YIF1B: variants seen among roughly 807,000 people sequenced by gnomAD.
The protein encoded by YIF1B is Yip1 interacting factor homolog B, membrane trafficking protein.
YIF1B carries 24 observed loss-of-function variants against 34.6 expected under a neutral mutation model. The ratio of observed to expected loss-of-function variants is 0.69; its 90% CI spans 0.50 to 0.98. The LOEUF (loss-of-function observed/expected upper bound fraction) is 0.98, where lower values mean the gene tolerates loss of function less well. Among genes scored for constraint, YIF1B ranks in the 50% least tolerant of loss-of-function variants. The probability of loss-of-function intolerance (pLI) is 0.00; values close to 1 mark genes in which losing one functional copy is unlikely to be tolerated. For synonymous variants in YIF1B, 186 were observed against 184.8 expected, an observed-to-expected ratio of 1.01 and a Z score of -0.05; for missense variants, 368 against 429.4, an observed-to-expected ratio of 0.86 and a Z score of 1.26.
chr19:38,307,527 G>A lies in YIF1B; in HGVS notation c.696-6C>T. 2 of 1,613,926 alleles carry A rather than the reference G, an allele frequency of 1.2e-6. No homozygotes were observed. The highest frequency in any genetic ancestry group is 1.1e-5 in the South Asian group (1 of 91,088). On this transcript the variant is annotated splice_region_variant and splice_polypyrimidine_tract_variant and intron_variant, in intron 6 of 7. Coordinates refer to ENST00000339413, the MANE Select transcript of YIF1B (RefSeq NM_001039672.3). ...TGAGGACCCCGCCAATCATCCTGGG[G>A]GAGGGAGAGGAGGCTGTGTGAGGAC...
chr19:38,307,736 G>A lies in YIF1B; in HGVS notation c.556C>T (p.Leu186=). 2 of 1,612,804 alleles carry A rather than the reference G, an allele frequency of 1.2e-6. No homozygotes were observed. Among genetic ancestry groups the A allele is most frequent in the Non-Finnish European group, 1.7e-6 (2 of 1,179,866 alleles). The change falls in exon 6 of 8, where the codon CTG becomes TTG. Residue 186 remains leucine (L), a synonymous_variant. Transcript: ENST00000339413. ...GTQDRFSPDL[L]GLQASSALAW... ...AGGGCTGAGCTCGCTTGCAGCCCCA[G>A]GAGGTCTGGGGAGAACCTGCAGGCA...
intron 7 of YIF1B, chr19:38,306,549 A>G (rs4312417): frequency 0.31 from 51,046 of 162,756 alleles, 8,729 homozygotes; most frequent in East Asian, 0.63. Context: ...AAGTTTATCC[A>G]AGGCTCTGCC....
intron 1 of YIF1B, among the ~76,000 whole-genome samples, chr19:38,313,764 C>T (rs926845787): frequency 9.8e-5 from 15 of 152,330 alleles, no homozygotes; most frequent in African/African-American, 3.4e-4. Flanking sequence ...AAGCTCCTTG[C>T]CCCCACTGGC....
Position 38,307,586 on chromosome 19 carries a change from G to A in YIF1B, c.695+11C>T, listed in dbSNP as rs147311387. ...AGGGCTGGGGCTGGCGTGAAGGGCGGGGGTACTCACCCGACATATTTGTAG... is the reference window on the plus strand; with the variant it reads ...AGGGCTGGGGCTGGCGTGAAGGGCGAGGGTACTCACCCGACATATTTGTAG... On this transcript the variant is annotated intron_variant, in intron 6 of 7. Coordinates refer to ENST00000339413, the MANE Select transcript of YIF1B (RefSeq NM_001039672.3). 40,568 of 1,613,690 alleles carry A rather than the reference G, an allele frequency of 0.025. 641 individuals are homozygous for A. Among genetic ancestry groups the A allele is most frequent in the Middle Eastern group, 0.071 (429 of 6,062 alleles).
Position 38,304,567 on chromosome 19 carries a change from C to A in YIF1B, c.*785G>T. Reference sequence around the variant, plus strand: ...CTGACCCCAGGGTCCTGCCTTAGGCCTCCAACTTCAGGGGGCTGGGTAAGG... The same window carrying A: ...CTGACCCCAGGGTCCTGCCTTAGGCATCCAACTTCAGGGGGCTGGGTAAGG... On this transcript the variant is annotated 3_prime_UTR_variant, in exon 8 of 8. Transcript: ENST00000339413. 6.2e-7 allele frequency: 1 copy of A among 1,607,896 alleles called. No homozygotes were observed. The highest frequency in any genetic ancestry group is 8.5e-7 in the Non-Finnish European group (1 of 1,177,566).
upstream of YIF1B, among the ~76,000 whole-genome samples, chr19:38,321,505 C>T (rs1431521730): frequency 2.6e-5 from 4 of 152,230 alleles, no homozygotes; most frequent in African/African-American, 7.2e-5. Flanking sequence ...GGAGGGACCC[C>T]GAGTTTTGGG....
chr19:38,306,094 CA>C (rs1380371420), intron 7 of YIF1B, among the ~76,000 whole-genome samples: 1 of 149,696 alleles, frequency 6.7e-6, no homozygotes, highest in Non-Finnish European at 1.5e-5. Flanking sequence ...CCCTGCTACT[CA>C]GGAGGCTGAG....
At position 38,305,303 on chromosome 19, in the gene YIF1B, C is replaced by T; in HGVS notation, c.*49G>A. 1 of 1,578,482 alleles carries T rather than the reference C, an allele frequency of 6.3e-7. No individual in the cohort carries two copies. The highest frequency in any genetic ancestry group is 8.6e-7 in the Non-Finnish European group (1 of 1,160,470). ...AGGCAGGAGATGAGTTCGGCGGCCA[C>T]AGTGGCCCCCAGCAGCAGCAGCAGC... is the stretch of plus-strand genomic sequence containing the variant. On this transcript the variant is annotated 3_prime_UTR_variant, in exon 8 of 8. Coordinates refer to ENST00000339413, the MANE Select transcript of YIF1B (RefSeq NM_001039672.3).
At chr19:38,319,993 G>A, upstream of YIF1B, 1 of 1,476,844 alleles carries the variant, frequency 6.8e-7, no homozygotes, top group Non-Finnish European at 8.9e-7. Flanking sequence ...GGCCGCGTAC[G>A]CCGCGTACCT....
At chr19:38,306,961 A>G (rs748102331) in intron 7 of YIF1B, 14 of 471,530 alleles carry the variant, frequency 3.0e-5, no homozygotes, top group Middle Eastern at 3.3e-4. Context: ...GATTACAAGC[A>G]TGAGCCACCG....
chr19:38,306,637 A>AGATAC (rs1476153432), intron 7 of YIF1B: 1 of 246,134 alleles, frequency 4.1e-6, no homozygotes, highest in East Asian at 1.5e-4. Flanking sequence ...TTGAGGTGCA[A>AGATAC]GTATCATCAT....
chr19:38,305,229 G>A lies in YIF1B; in HGVS notation c.*123C>T, dbSNP rs1968951612. On this transcript the variant is annotated 3_prime_UTR_variant, in exon 8 of 8. Transcript: ENST00000339413. ...TTGGGGGCGGGGCTGGGCGGGACAT[G>A]GGATGGAGGCGGTGCCTGTGGCCAG... is the stretch of plus-strand genomic sequence containing the variant. 13 of 1,449,452 alleles carry A rather than the reference G, an allele frequency of 9.0e-6. No homozygotes were observed. In the Admixed American group the frequency reaches 1.2e-4, roughly 14 times the overall value. The allele number at this position is 1,449,452 out of a possible 1,614,324, so 89.8% of individuals were successfully genotyped here. A position where few individuals can be genotyped will look rare whatever the true frequency, so the allele number is the denominator to read the frequency against.
At chr19:38,320,043 G>A, upstream of YIF1B, 2 of 1,501,428 alleles carry the variant, frequency 1.3e-6, no homozygotes, top group Non-Finnish European at 1.8e-6. Context: ...TGGAGGGGCC[G>A]CACGAAGCCA....
chr19:38,320,125 C>A, upstream of YIF1B: 1 of 1,586,350 alleles, frequency 6.3e-7, no homozygotes, highest in Non-Finnish European at 8.5e-7. Flanking sequence ...TGCCCCCGCC[C>A]TGGACGCCTT....
At chr19:38,320,342 C>T (rs1372641612), upstream of YIF1B, 7 of 1,536,326 alleles carry the variant, frequency 4.6e-6, no homozygotes, top group African/African-American at 1.4e-5. Flanking sequence ...CCCTGGGGAC[C>T]CCGGGGCCCT....
At chr19:38,321,051 T>C (rs1293297018), upstream of YIF1B, among the ~76,000 whole-genome samples, 1 of 152,088 alleles carries the variant, frequency 6.6e-6, no homozygotes, top group Non-Finnish European at 1.5e-5. Context: ...CCTGCCACCC[T>C]TGCCATGTCT....
At position 38,315,900 on chromosome 19, in the gene YIF1B, C is replaced by G. The variant is rs922286317; in HGVS notation, c.18G>C (p.Leu6Phe). Reference sequence around the variant, plus strand: ...GGGGCGTCCCCGCAGCCGCCGCCGCCAAGCCTGCCGGGTGCATCCTTCGCC... The same window carrying G: ...GGGGCGTCCCCGCAGCCGCCGCCGCGAAGCCTGCCGGGTGCATCCTTCGCC... MHPAG[L>F]AAAAAGTPRL... Residue 6 changes from leucine (L) to phenylalanine (F), a missense_variant, in exon 1 of 8, where the codon TTG (leucine) becomes TTC (phenylalanine). Leu to Phe is a conservative substitution (Grantham distance 22). Around this residue, in one of 3 missense-constraint regions of YIF1B, gnomAD observed 153 missense variants for 156.7 expected, o/e 0.98. Transcript: ENST00000339413. 3.4e-6 allele frequency: 5 copies of G among 1,483,300 alleles called. No homozygotes were observed. In the African/African-American group the frequency reaches 4.4e-5, roughly 13 times the overall value. The allele number at this position is 1,483,300 out of a possible 1,614,324, so 91.9% of individuals were successfully genotyped here.
rs1968945632 is a variant in YIF1B, at chr19:38,305,136, G to A, written c.*216C>T. The A allele has an allele frequency of 1.4e-6, 2 of 1,422,866 alleles. No homozygotes were observed. Among genetic ancestry groups the A allele is most frequent in the Non-Finnish European group, 1.9e-6 (2 of 1,070,826 alleles). The allele number at this position is 1,422,866 out of a possible 1,614,324, so 88.1% of individuals were successfully genotyped here. The stretch of plus-strand genomic sequence containing the variant: ...CACGCCATGCCCATCAGGGTTTATT[G>A]TTTCTGTAACAGCGGCCACGCCCTG... On this transcript the variant is annotated 3_prime_UTR_variant, in exon 8 of 8. Transcript: ENST00000339413.
chr19:38,304,672 G>A lies in YIF1B; in HGVS notation c.*680C>T, dbSNP rs1276586239. Reference sequence around the variant, plus strand: ...CTCCAGCAGCAGCTCCAGCGATTCGGACACGGATGTGAAGGTAAGGGGCTC... The same window carrying A: ...CTCCAGCAGCAGCTCCAGCGATTCGAACACGGATGTGAAGGTAAGGGGCTC... On this transcript the variant is annotated 3_prime_UTR_variant, in exon 8 of 8. Coordinates refer to ENST00000339413, the MANE Select transcript of YIF1B (RefSeq NM_001039672.3). The A allele has an allele frequency of 6.2e-7, 1 of 1,613,554 alleles. No individual in the cohort carries two copies. The highest frequency in any genetic ancestry group is 8.5e-7 in the Non-Finnish European group (1 of 1,179,996).
Sources: gnomAD v4.1 joint callset for allele counts (sites outside exome capture counted in the v4.1 genomes callset) on GRCh38, gnomAD v4.1.1 for gene constraint, gnomAD v4.1.1 regional missense constraint, MANE v1.5 for transcripts, NCBI Gene and HGNC (gene_info 2026-07-23, HGNC 2026-07-21) for gene names.